Variants in PCDHA9 observed in about 807,000 individuals in gnomAD.
PCDHA9 encodes protocadherin alpha-9.
Under a neutral mutation model 62.0 loss-of-function variants are expected in PCDHA9, and 62 were observed. The ratio of observed to expected loss-of-function variants is 1.00; its 90% CI spans 0.81 to 1.23. The LOEUF (loss-of-function observed/expected upper bound fraction) is 1.23. Among genes scored for constraint, PCDHA9 ranks in the 50% most tolerant of loss-of-function variants. The pLI is 0.00. For missense variants in PCDHA9, 1,205 were observed against 1,249.8 expected (o/e 0.96, Z 0.54); for synonymous variants, 557 against 567.6 (o/e 0.98, Z 0.27).
At chr5:140,906,097 T>G (rs1396034135) in intron 1 of PCDHA9, among the ~76,000 whole-genome samples, 1 of 152,144 alleles carries the variant, frequency 6.6e-6, no homozygotes, top group Non-Finnish European at 1.5e-5. Context: ...AGAGTAAGTG[T>G]GTCTTTCCCA....
At chr5:140,927,481 G>A in intron 1 of PCDHA9, 1 of 1,614,072 alleles carries the variant, frequency 6.2e-7, no homozygotes, top group Non-Finnish European at 8.5e-7. Flanking sequence ...CGAACAGCGC[G>A]CCACCCACCT....
intron 1 of PCDHA9, chr5:140,967,740 A>T (rs2096177949): frequency 6.2e-6 from 10 of 1,614,052 alleles, no homozygotes; most frequent in Non-Finnish European, 8.5e-6. Flanking sequence ...GGGCTGGATT[A>T]TGAGGAAGCC....
At chr5:140,966,736 T>A in intron 1 of PCDHA9, 1 of 1,418,140 alleles carries the variant, frequency 7.1e-7, no homozygotes, top group Non-Finnish European at 9.2e-7. Context: ...CCTCCGGCCC[T>A]GCCCGGCTGC....
chr5:140,923,256 TAGTG>T (rs2153568044), intron 1 of PCDHA9, among the ~76,000 whole-genome samples: 1 of 152,302 alleles, frequency 6.6e-6, no homozygotes, highest in African/African-American at 2.4e-5. Context: ...CTGGGCAACA[TAGTG>T]AGACCTTGTC....
intron 1 of PCDHA9, chr5:140,852,028 TATTG>T (rs1203440654): frequency 2.1e-6 from 2 of 942,992 alleles, no homozygotes; most frequent in Admixed American, 6.3e-5. Flanking sequence ...AAACTTCGCT[TATTG>T]AGTTTTTGTT....
At chr5:140,948,527 A>G (rs902965857) in intron 1 of PCDHA9, among the ~76,000 whole-genome samples, 7 of 151,560 alleles carry the variant, frequency 4.6e-5, no homozygotes, top group Non-Finnish European at 8.9e-5. Context: ...CACTATTTAT[A>G]TTTTATTTCA....
intron 1 of PCDHA9, among the ~76,000 whole-genome samples, chr5:140,898,022 T>A (rs1235447722): frequency 6.6e-6 from 1 of 152,202 alleles, no homozygotes; most frequent in Non-Finnish European, 1.5e-5. Flanking sequence ...CTTTGCCCAC[T>A]TTTTGATGGG....
intron 1 of PCDHA9, among the ~76,000 whole-genome samples, chr5:140,879,793 C>T (rs1417873343): frequency 2.0e-5 from 3 of 152,192 alleles, no homozygotes; most frequent in Admixed American, 6.5e-5. Flanking sequence ...GTTTTTGTTT[C>T]TTCCAGTTTC....
intron 1 of PCDHA9, among the ~76,000 whole-genome samples, chr5:140,938,703 T>A: frequency 6.6e-6 from 1 of 152,170 alleles, no homozygotes; most frequent in East Asian, 1.9e-4. Flanking sequence ...AAATATATGT[T>A]TATGATAGAA....
At chr5:140,864,390 A>G (rs1314124193) in intron 1 of PCDHA9, 1 of 152,190 alleles carries the variant, frequency 6.6e-6, no homozygotes. Flanking sequence ...ATCTCTCACA[A>G]ATGGTGATGA....
chr5:140,992,405 C>T (rs962261885), intron 3 of PCDHA9, among the ~76,000 whole-genome samples: 1 of 152,152 alleles, frequency 6.6e-6, no homozygotes, highest in Non-Finnish European at 1.5e-5. Context: ...AGATATTGTT[C>T]TGCCCCAGGT....
rs2150451582 is a variant in PCDHA9 at position 140,849,816 on chromosome 5, G to C, written c.1321G>C (p.Val441Leu). Residue 441 changes from valine (V) to leucine (L), a missense_variant, in exon 1 of 4, where the codon GTG becomes CTG. By Grantham distance (32) the Val-to-Leu change is conservative. Transcript: ENST00000532602. ...GCCTTCACTGTGGGCCACGGCCAGGGTGTCTGTGGAGGTGGCCGACGTGAA... is the reference window on the plus strand; with the variant it reads ...GCCTTCACTGTGGGCCACGGCCAGGCTGTCTGTGGAGGTGGCCGACGTGAA... ...GSPSLWATAR[V>L]SVEVADVNDN... 1.3e-6 allele frequency: 2 copies of C among 1,598,578 alleles called. No homozygotes were observed. Among genetic ancestry groups the C allele is most frequent in the Admixed American group, 1.7e-5 (1 of 59,338 alleles).
At chr5:140,957,855 T>TC (rs1398127159) in intron 1 of PCDHA9, among the ~76,000 whole-genome samples, 1 of 151,980 alleles carries the variant, frequency 6.6e-6, no homozygotes, top group Non-Finnish European at 1.5e-5. Context: ...TTTGTGTATT[T>TC]TTTTTCCTAT....
intron 1 of PCDHA9, chr5:140,926,925 G>C (rs1554203816): frequency 6.4e-7 from 1 of 1,574,118 alleles, no homozygotes; most frequent in South Asian, 1.2e-5. Context: ...TTTTATGTTT[G>C]TGGGTTTCCT....
Position 140,953,939 on chromosome 5 carries a change from A to G in PCDHA9, c.2395-25010A>G, listed in dbSNP as rs544318515. ...TATTCTTCCTGATGCTCTCCCTCCCATTGCTCCCCCAACAGGCCCCAGTGT... is the reference window on the plus strand; with the variant it reads ...TATTCTTCCTGATGCTCTCCCTCCCGTTGCTCCCCCAACAGGCCCCAGTGT... On this transcript the variant is annotated intron_variant, in intron 1 of 3. Coordinates refer to ENST00000532602, the MANE Select transcript of PCDHA9 (RefSeq NM_031857.2). Among the ~76,000 whole-genome samples the G allele has an allele frequency of 2.8e-3, 420 of 151,700 alleles. 4 individuals carry two copies. The highest frequency in any genetic ancestry group is 4.8e-3 in the Non-Finnish European group (324 of 67,900).
chr5:140,998,005 C>T (rs539275150), intron 3 of PCDHA9, among the ~76,000 whole-genome samples: 300 of 152,282 alleles, frequency 2.0e-3, no homozygotes, highest in Non-Finnish European at 3.8e-3. Context: ...TCTGAGCCTT[C>T]CATCCCCACC....
intron 1 of PCDHA9, among the ~76,000 whole-genome samples, chr5:140,962,849 T>G (rs1434907172): frequency 6.6e-6 from 1 of 152,214 alleles, no homozygotes; most frequent in Non-Finnish European, 1.5e-5. Context: ...ATATAACTTG[T>G]GCTCGGTTTG....
At chr5:140,995,963 A>G (rs2097706042) in intron 3 of PCDHA9, among the ~76,000 whole-genome samples, 1 of 152,234 alleles carries the variant, frequency 6.6e-6, no homozygotes, top group Non-Finnish European at 1.5e-5. Context: ...AATGCTTAGA[A>G]CCATGCTTAG....
chr5:140,971,541 G>C (rs544682624), intron 1 of PCDHA9, among the ~76,000 whole-genome samples: 1 of 152,290 alleles, frequency 6.6e-6, no homozygotes, highest in Non-Finnish European at 1.5e-5. Flanking sequence ...ATCATTGCCA[G>C]ATCAACCTGT....
Sources: gnomAD v4.1 joint callset for allele counts (sites outside exome capture counted in the v4.1 genomes callset) on GRCh38, gnomAD v4.1.1 for gene constraint, MANE v1.5 for transcripts, NCBI Gene and HGNC (gene_info 2026-07-23, HGNC 2026-07-21) for gene names.